CCDC163: variants seen among roughly 807,000 people sequenced by gnomAD.
CCDC163 encodes the protein CCDC163 homolog.
In CCDC163, 13 loss-of-function variants were observed where a neutral mutation model predicts 8.2. The observed-to-expected ratio is 1.59, with a 90% CI of 1.04 to 2.54. CCDC163 has a LOEUF of 2.54. CCDC163 is among the 30% of genes most tolerant of loss of function. CCDC163 has a pLI of 0.00. For synonymous variants in CCDC163, 41 were observed against 30.9 expected (o/e 1.33, Z -1.08); for missense variants, 117 against 78.6 (o/e 1.49, Z -1.85).
In CCDC163 at chr1:45,499,845, T is replaced by C. The variant is rs1643493932; in HGVS notation, c.-236A>G. On this transcript the variant is annotated 5_prime_UTR_variant, in exon 1 of 5. Transcript: ENST00000629482. ...GGGGAAAAGCGGGATACCGTGATGA[T>C]ACGCAGATATCAGGTGGGGATTGAA... is the stretch of plus-strand genomic sequence containing the variant. The C allele has an allele frequency of 1.4e-5, 8 of 561,490 alleles. No individual in the cohort carries two copies. Among genetic ancestry groups the C allele is most frequent in the Non-Finnish European group, 2.6e-5 (8 of 313,152 alleles). The allele number at this position is 561,490 out of a possible 1,614,324, so 34.8% of individuals were successfully genotyped here. A position where few individuals can be genotyped will look rare whatever the true frequency, so the allele number is the denominator to read the frequency against.
At chr1:45,498,924 G>A (rs1450412443) in intron 2 of CCDC163, among the ~76,000 whole-genome samples, 1 of 152,196 alleles carries the variant, frequency 6.6e-6, no homozygotes, top group African/African-American at 2.4e-5. Flanking sequence ...CTGTATAACA[G>A]CTTTTCCCGA....
At position 45,499,917 on chromosome 1, in the gene CCDC163, C is replaced by T. The variant is rs1277062477; in HGVS notation, c.-308G>A. 1.2e-5 allele frequency: 6 copies of T among 492,484 alleles called. No individual in the cohort carries two copies. Among genetic ancestry groups the T allele is most frequent in the Admixed American group, 3.3e-5 (1 of 30,396 alleles). The allele number at this position is 492,484 out of a possible 1,614,324, so 30.5% of individuals were successfully genotyped here. A position where few individuals can be genotyped will look rare whatever the true frequency, so the allele number is the denominator to read the frequency against. ...CCTCCCCAGAAGTAGTACACTGGCG[C>T]CACCACGCCAAACCTGTGCCAGTGA... On this transcript the variant is annotated 5_prime_UTR_variant, in exon 1 of 5. Coordinates refer to ENST00000629482, the MANE Select transcript of CCDC163 (RefSeq NM_001102601.3).
At position 45,494,060 on chromosome 1, in the gene CCDC163, CAG is replaced by C. The variant is rs1406292928; in HGVS notation, c.*997_*998del. On this transcript the variant is annotated 3_prime_UTR_variant, in exon 5 of 5. Coordinates refer to ENST00000629482, the MANE Select transcript of CCDC163 (RefSeq NM_001102601.3). ...ATTCTTAAAGCCACTGGATTAGAGG[CAG>C]AGAGACTGAAAGAAGAGACCAGGGA... The C allele has an allele frequency of 6.6e-6, 1 of 152,092 alleles. No individual in the cohort carries two copies. The highest frequency in any genetic ancestry group is 6.5e-5 in the Admixed American group (1 of 15,272). 9.4% of individuals were successfully genotyped at this position (152,092 alleles called of 1,614,324 possible).
intron 2 of CCDC163, among the ~76,000 whole-genome samples, chr1:45,497,714 G>C (rs1570805367): frequency 4.6e-5 from 2 of 43,684 alleles, no homozygotes; most frequent in Non-Finnish European, 8.8e-5. Flanking sequence ...GGTGGAGGGG[G>C]TCAGCCCCCC....
At chr1:45,499,284 G>A (rs751032065) in intron 2 of CCDC163, 61 bp downstream of exon 2, 6 of 727,030 alleles carry the variant, frequency 8.3e-6, no homozygotes, top group African/African-American at 6.9e-5. Context: ...TGGATGATAC[G>A]GGCACTGGAG....
At chr1:45,499,151 G>A (rs932687144) in intron 2 of CCDC163, among the ~76,000 whole-genome samples, 194 bp downstream of exon 2, 1 of 152,214 alleles carries the variant, frequency 6.6e-6, no homozygotes, top group Non-Finnish European at 1.5e-5. Context: ...AGAGGCAAGT[G>A]ATGAGAGGAA....
In CCDC163 at chr1:45,499,541, G is replaced by A; in HGVS notation, c.69C>T (p.Val23=). The A allele has an allele frequency of 1.3e-6, 1 of 779,050 alleles. No individual in the cohort carries two copies. Among genetic ancestry groups the A allele is most frequent in the Non-Finnish European group, 2.4e-6 (1 of 417,172 alleles). The allele number at this position is 779,050 out of a possible 1,614,324, so 48.3% of individuals were successfully genotyped here. A position where few individuals can be genotyped will look rare whatever the true frequency, so the allele number is the denominator to read the frequency against. ...VLLNATDGNV[V]RNKQWLYPLG... Reference sequence around the variant, plus strand: ...TCCACCAACCCCTCACCTTATTCCGGACCACATTTCCATCAGTAGCGTTGA... The same window carrying A: ...TCCACCAACCCCTCACCTTATTCCGAACCACATTTCCATCAGTAGCGTTGA... The change falls in exon 1 of 5, where the codon GTC becomes GTT. Residue 23 remains valine, a synonymous_variant. Transcript: ENST00000629482.
At position 45,494,076 on chromosome 1, in the gene CCDC163, A is replaced by G. The variant is rs1653866631; in HGVS notation, c.*983T>C. ...GATTAGAGGCAGAGAGACTGAAAGA[A>G]GAGACCAGGGAAGAGGCTGCTACAG... On this transcript the variant is annotated 3_prime_UTR_variant, in exon 5 of 5. Coordinates refer to ENST00000629482, the MANE Select transcript of CCDC163 (RefSeq NM_001102601.3). 6.6e-6 allele frequency: 1 copy of G among 152,250 alleles called. No individual in the cohort carries two copies. The highest frequency in any genetic ancestry group is 2.4e-5 in the African/African-American group (1 of 41,452). 9.4% of individuals were successfully genotyped at this position (152,250 alleles called of 1,614,324 possible). A position where few individuals can be genotyped will look rare whatever the true frequency, so the allele number is the denominator to read the frequency against.
chr1:45,496,209 G>A (rs1240005845), intron 4 of CCDC163: 4 of 388,130 alleles, frequency 1.0e-5, no homozygotes, highest in Non-Finnish European at 2.0e-5. Flanking sequence ...CTCTGTCCTG[G>A]TAGCCTCCAG....
In CCDC163 at chr1:45,495,137, C is replaced by T. The variant is rs2149314062; in HGVS notation, c.360G>A (p.Trp120Ter). Residue 120 changes from tryptophan (W) to a stop codon, truncating the protein, a stop_gained, in exon 5 of 5, where the codon TGG becomes TGA. Coordinates refer to ENST00000629482, the MANE Select transcript of CCDC163 (RefSeq NM_001102601.3). LOFTEE classifies it high-confidence loss of function. ...GCATGGAGCTGAAAGATGCTGGGCT[C>T]CAGGTTAGAAAGGGTGCTCCTCTGG... ...KIPRGAPFLT[W>*]SPASFSSMPR... 3 of 780,698 alleles carry T rather than the reference C, an allele frequency of 3.8e-6. No homozygotes were observed. The highest frequency in any genetic ancestry group is 2.7e-5 in the South Asian group (2 of 74,616). 48.4% of individuals were successfully genotyped at this position (780,698 alleles called of 1,614,324 possible). A position where few individuals can be genotyped will look rare whatever the true frequency, so the allele number is the denominator to read the frequency against.
Position 45,497,321 on chromosome 1 carries a change from C to T in CCDC163, c.240G>A (p.Leu80=), listed in dbSNP as rs751354358. ...WEESEIMQKE[L]KLLQYQLSQH... ...TACTCAACTGGTACTGCAGCAACTT[C>T]AATTCCTTCTGCATAATCTCTGACT... is the stretch of plus-strand genomic sequence containing the variant. Residue 80 remains leucine (L), a synonymous_variant, in exon 3 of 5, where the codon TTG becomes TTA. Transcript: ENST00000629482. 1.3e-6 allele frequency: 1 copy of T among 780,248 alleles called. No individual in the cohort carries two copies. The highest frequency in any genetic ancestry group is 2.4e-5 in the East Asian group (1 of 41,216). The allele number at this position is 780,248 out of a possible 1,614,324, so 48.3% of individuals were successfully genotyped here.
chr1:45,497,657 G>A (rs1215328190), intron 2 of CCDC163, among the ~76,000 whole-genome samples: 58 of 93,454 alleles, frequency 6.2e-4, no homozygotes, highest in African/African-American at 7.8e-4. Context: ...ACCCCGTCTG[G>A]GAAGTGAGGA....
chr1:45,495,089 G>T lies in CCDC163; in HGVS notation c.408C>A (p.Thr136=). Residue 136 remains threonine, a synonymous_variant, in exon 5 of 5, where the codon ACC becomes ACA. Coordinates refer to ENST00000629482, the MANE Select transcript of CCDC163 (RefSeq NM_001102601.3). ...AGCATTTTGGGGCCCCAAAGGAATA[G>T]GTCCTCTTGCTTAAGACTCTGGGCA... ...SSMPRVLSKR[T]YSFGAPKCS The T allele has an allele frequency of 1.3e-6, 1 of 780,846 alleles. No individual in the cohort carries two copies. Among genetic ancestry groups the T allele is most frequent in the South Asian group, 1.3e-5 (1 of 74,622 alleles). The allele number at this position is 780,846 out of a possible 1,614,324, so 48.4% of individuals were successfully genotyped here.
rs374584374 is a variant in CCDC163, at chr1:45,495,289, A to G, written c.331-123T>C. 561 of 718,196 alleles carry G rather than the reference A, an allele frequency of 7.8e-4. 5 individuals are homozygous for G. In the South Asian group the frequency reaches 8.0e-3, roughly 10 times the overall value. 44.5% of individuals were successfully genotyped at this position (718,196 alleles called of 1,614,324 possible). ...GAGGACTGACAGGATAAACAGCAAC[A>G]GAGGTCAGTGAGTTCACAGAAAGGC... On this transcript the variant is annotated intron_variant, in intron 4 of 4. Transcript: ENST00000629482.
chr1:45,495,036 C>A lies in CCDC163; in HGVS notation c.*23G>T. Reference sequence around the variant, plus strand: ...GCAAAGAAGCCTTCATCCTACTATTCTTAACGAGTCCTTACAGGTCATTCA... The same window carrying A: ...GCAAAGAAGCCTTCATCCTACTATTATTAACGAGTCCTTACAGGTCATTCA... On this transcript the variant is annotated 3_prime_UTR_variant, in exon 5 of 5. Coordinates refer to ENST00000629482, the MANE Select transcript of CCDC163 (RefSeq NM_001102601.3). 1 of 780,784 alleles carries A rather than the reference C, an allele frequency of 1.3e-6. No homozygotes were observed. The allele number at this position is 780,784 out of a possible 1,614,324, so 48.4% of individuals were successfully genotyped here.
At chr1:45,497,657 G>C (rs1215328190) in intron 2 of CCDC163, among the ~76,000 whole-genome samples, 2 of 93,846 alleles carry the variant, frequency 2.1e-5, no homozygotes, top group Non-Finnish European at 4.2e-5. Context: ...ACCCCGTCTG[G>C]GAAGTGAGGA....
chr1:45,496,650 G>A, intron 3 of CCDC163, 27 bp from the exon 4 acceptor site: 1 of 770,874 alleles, frequency 1.3e-6, no homozygotes, highest in Middle Eastern at 2.3e-4. Flanking sequence ...ATGTAAGGGG[G>A]CTGTTCCCCA....
intron 4 of CCDC163, chr1:45,495,395 G>A (rs1654023126): frequency 2.8e-6 from 2 of 702,838 alleles, no homozygotes; most frequent in South Asian, 3.0e-5. Context: ...CCCCAAAACG[G>A]GAATCCTTGT....
intron 2 of CCDC163, among the ~76,000 whole-genome samples, chr1:45,497,915 A>C (rs1643389257): frequency 6.8e-6 from 1 of 147,338 alleles, no homozygotes; most frequent in African/African-American, 2.5e-5. Flanking sequence ...CCAGGATGAC[A>C]ATGGCGGCTT....
Sources: allele counts gnomAD v4.1 joint callset (sites outside exome capture counted in the v4.1 genomes callset), GRCh38; gene constraint gnomAD v4.1.1; transcripts MANE v1.5; gene names NCBI Gene and HGNC (gene_info 2026-07-23, HGNC 2026-07-21).